Variants in BIRC6 observed in about 807,000 individuals in gnomAD.
The protein encoded by BIRC6 is dual E2 ubiquitin-conjugating enzyme/E3 ubiquitin-protein ligase BIRC6.
BIRC6 carries 98 observed loss-of-function variants against 503.3 expected under a neutral mutation model. That is an observed-to-expected ratio of 0.19 (90% CI 0.17 to 0.23). The LOEUF (loss-of-function observed/expected upper bound fraction) is 0.23. BIRC6 is among the 10% of genes least tolerant of loss of function. BIRC6 has a pLI of 1.00. For missense variants in BIRC6, 5,360 were observed against 5,806.0 expected, an observed-to-expected ratio of 0.92 and a Z score of 2.50; for synonymous variants, 2,240 against 2,078.7, an observed-to-expected ratio of 1.08 and a Z score of -2.11.
At chr2:32,610,216 G>C (rs527509621) in intron 72 of BIRC6, among the ~76,000 whole-genome samples, 7 of 152,212 alleles carry the variant, frequency 4.6e-5, no homozygotes, top group African/African-American at 1.7e-4. Flanking sequence ...TTGATTGTCT[G>C]TTCTTTAGGG....
intron 65 of BIRC6, chr2:32,558,705 A>C (rs1035263622): frequency 6.6e-6 from 1 of 152,204 alleles, no homozygotes; most frequent in Non-Finnish European, 1.5e-5. Flanking sequence ...TTTAGTCCAC[A>C]ATAGTGATGA....
At chr2:32,407,371 G>A (rs190088824) in intron 9 of BIRC6, among the ~76,000 whole-genome samples, 89 of 151,610 alleles carry the variant, frequency 5.9e-4, no homozygotes, top group African/African-American at 2.1e-3. Context: ...TTTGAACCCG[G>A]GAGGCGGAGA....
Position 32,415,372 on chromosome 2 carries a change from C to T in BIRC6, c.2081C>T (p.Ala694Val). 1 of 1,614,038 alleles carries T rather than the reference C, an allele frequency of 6.2e-7. No homozygotes were observed. Among genetic ancestry groups the T allele is most frequent in the Non-Finnish European group, 8.5e-7 (1 of 1,179,902 alleles). Residue 694 changes from alanine to valine, a missense_variant, in exon 10 of 74, where the codon GCA becomes GTA. Transcript: ENST00000421745. ...PVTYIQQFAD[A>V]AANLTSPDSE... ...ACTTACATTCAGCAATTTGCAGATG[C>T]AGCAGCCAACCTTACCTCTCCGGAT...
intron 6 of BIRC6, among the ~76,000 whole-genome samples, chr2:32,397,206 CA>C (rs546361125): frequency 5.9e-5 from 9 of 151,702 alleles, no homozygotes; most frequent in Admixed American, 3.9e-4. Flanking sequence ...CATGGTGGCT[CA>C]CGCCTATAAT....
chr2:32,496,019 T>C (rs1185955470), intron 45 of BIRC6, among the ~76,000 whole-genome samples: 4 of 151,626 alleles, frequency 2.6e-5, no homozygotes, highest in African/African-American at 9.7e-5. Flanking sequence ...GTTTTTGTAG[T>C]TTTAGTAGAG....
chr2:32,577,529 C>T (rs2060345503), intron 66 of BIRC6, among the ~76,000 whole-genome samples: 1 of 151,972 alleles, frequency 6.6e-6, no homozygotes, highest in African/African-American at 2.4e-5. Context: ...CTTCTTTAAA[C>T]TGTGTATTTC....
intron 71 of BIRC6, 60 bp from the exon 72 acceptor site, chr2:32,607,395 T>C: frequency 8.4e-7 from 1 of 1,192,342 alleles, no homozygotes; most frequent in Middle Eastern, 2.4e-4. Context: ...TAAAGCAGGA[T>C]ATCAGTTAAC....
At chr2:32,439,248 G>A (rs1211857223) in intron 15 of BIRC6, among the ~76,000 whole-genome samples, 2 of 151,700 alleles carry the variant, frequency 1.3e-5, no homozygotes, top group African/African-American at 4.8e-5. Flanking sequence ...ATAATATTGG[G>A]GAAAAAACAT....
intron 57 of BIRC6, chr2:32,523,600 A>G (rs2055964611): frequency 6.6e-6 from 1 of 152,224 alleles, no homozygotes; most frequent in Non-Finnish European, 1.5e-5. Flanking sequence ...TCTATAGGCA[A>G]TTAGCAATTA....
chr2:32,372,995 G>A (rs567809754), intron 1 of BIRC6, among the ~76,000 whole-genome samples: 12 of 152,180 alleles, frequency 7.9e-5, no homozygotes, highest in Non-Finnish European at 1.3e-4. Context: ...CATTTGGTAA[G>A]TTTGTGTTTA....
At chr2:32,432,700 T>C (rs574430674) in intron 12 of BIRC6, among the ~76,000 whole-genome samples, 1 of 150,428 alleles carries the variant, frequency 6.6e-6, no homozygotes, top group East Asian at 2.0e-4. Flanking sequence ...GTTGAGGCTG[T>C]AGTGAGCCGT....
chr2:32,500,594 G>GTTTTTTTT (rs2053053521), intron 46 of BIRC6, among the ~76,000 whole-genome samples: 1 of 110,068 alleles, frequency 9.1e-6, no homozygotes, highest in South Asian at 3.4e-4. Context: ...CTAGTTTTTT[G>GTTTTTTTT]TTTTTGTTTT....
In BIRC6 at chr2:32,380,354, ACTTTC is replaced by A. The variant is rs919003181; in HGVS notation, c.645+72_645+76del. 1.5e-5 allele frequency: 22 copies of A among 1,479,960 alleles called. 1 individual carries two copies. The highest frequency in any genetic ancestry group is 4.3e-5 in the African/African-American group (3 of 70,080). The allele number at this position is 1,479,960 out of a possible 1,614,324, so 91.7% of individuals were successfully genotyped here. A position where few individuals can be genotyped will look rare whatever the true frequency, so the allele number is the denominator to read the frequency against. ...ACAATGGACACCTCCATTCTTTTGC[ACTTTC>A]CTTTCCTCTCCTTTTGGAAATGTTC... is the stretch of plus-strand genomic sequence containing the variant. On this transcript the variant is annotated intron_variant, in intron 3 of 73. Transcript: ENST00000421745.
chr2:32,580,160 G>T (rs938751846), intron 66 of BIRC6, among the ~76,000 whole-genome samples: 3 of 151,976 alleles, frequency 2.0e-5, no homozygotes, highest in African/African-American at 7.3e-5. Flanking sequence ...CACCATGTTG[G>T]CCAGGCTGGT....
In BIRC6 at chr2:32,469,574, T is replaced by A. The variant is rs1424868678; in HGVS notation, c.6307T>A (p.Leu2103Met). The change falls in exon 30 of 74, where the codon TTG becomes ATG. Residue 2103 changes from leucine (L) to methionine (M), a missense_variant. Transcript: ENST00000421745. ...ATTTCTTTCTAATGTCCTTCAGGAATTGTACAATTCGGAACAGCTTCTCAT... is the reference window on the plus strand; with the variant it reads ...ATTTCTTTCTAATGTCCTTCAGGAAATGTACAATTCGGAACAGCTTCTCAT... Reference protein sequence around the residue: ...GQFLSNVLQELYNSEQLLIFP... With the variant: ...GQFLSNVLQEMYNSEQLLIFP... 1 of 1,613,790 alleles carries A rather than the reference T, an allele frequency of 6.2e-7. No homozygotes were observed. The highest frequency in any genetic ancestry group is 8.5e-7 in the Non-Finnish European group (1 of 1,179,812).
rs1001539356 is a variant in BIRC6, at chr2:32,488,307, A to G, written c.7969-281A>G. ...TAGCAGACCTTGTCTCAAATAAAAA[A>G]AAAAAAATGACTTGAATCACCTGTT... On this transcript the variant is annotated intron_variant, in intron 41 of 73. Transcript: ENST00000421745. Among the ~76,000 whole-genome samples the G allele has an allele frequency of 1.2e-4, 19 of 152,308 alleles. No individual in the cohort carries two copies. In the East Asian group the frequency reaches 2.3e-3, roughly 19 times the overall value.
intron 3 of BIRC6, among the ~76,000 whole-genome samples, chr2:32,382,587 G>C (rs576792189): frequency 6.6e-6 from 1 of 152,198 alleles, no homozygotes; most frequent in African/African-American, 2.4e-5. Flanking sequence ...ATAGAGCAGA[G>C]AATTAAAGGG....
At chr2:32,423,668 C>G (rs1182211023) in intron 10 of BIRC6, among the ~76,000 whole-genome samples, 1 of 152,082 alleles carries the variant, frequency 6.6e-6, no homozygotes, top group African/African-American at 2.4e-5. Flanking sequence ...ACAGTAGGGC[C>G]CATCCACCCC....
chr2:32,465,631 A>G (rs905357950), intron 26 of BIRC6, among the ~76,000 whole-genome samples: 5 of 152,176 alleles, frequency 3.3e-5, no homozygotes, highest in Non-Finnish European at 4.4e-5. Flanking sequence ...TATATGCTAC[A>G]GAACTGACAT....
Sources: allele counts gnomAD v4.1 joint callset (sites outside exome capture counted in the v4.1 genomes callset), GRCh38; gene constraint gnomAD v4.1.1; transcripts MANE v1.5; gene names NCBI Gene and HGNC (gene_info 2026-07-23, HGNC 2026-07-21).